SETD9: variants seen among roughly 807,000 people sequenced by gnomAD.
The protein encoded by SETD9 is SET domain containing 9, also known as SET domain-containing protein 9.
Under a neutral mutation model 36.4 loss-of-function variants are expected in SETD9, and 37 were observed. The observed-to-expected ratio is 1.02, with a 90% CI of 0.78 to 1.34. The LOEUF is 1.34. Ranked by LOEUF, SETD9 falls within the 40% of genes most tolerant of loss-of-function variation. SETD9 has a pLI of 0.00. For synonymous variants in SETD9, 128 were observed against 132.9 expected (o/e 0.96, Z 0.26); for missense variants, 323 against 353.2 (o/e 0.91, Z 0.69).
rs571245068 is a variant in SETD9 at position 56,910,331 on chromosome 5, C to G, written c.98+588C>G. ...GCTGTGAGAATAGCGTGCAGTAGCT[C>G]GCGCGTTAAGAACGGGCAGAACGCC... On this transcript the variant is annotated intron_variant, in intron 1 of 5. Coordinates refer to ENST00000285947, the MANE Select transcript of SETD9 (RefSeq NM_153706.4). 516 of 1,304,260 alleles carry G rather than the reference C, an allele frequency of 4.0e-4. 3 individuals are homozygous for G. In the Middle Eastern group the frequency reaches 5.5e-3, roughly 14 times the overall value. 80.8% of individuals were successfully genotyped at this position (1,304,260 alleles called of 1,614,324 possible).
chr5:56,912,328 CATTAT>C, intron 2 of SETD9: 1 of 735,292 alleles, frequency 1.4e-6, no homozygotes, highest in Non-Finnish European at 1.7e-6. Context: ...GTTAAACTAA[CATTAT>C]ATTATTTGGT....
chr5:56,913,249 T>G, intron 3 of SETD9, 115 bp downstream of exon 3: 1 of 1,241,438 alleles, frequency 8.1e-7, no homozygotes, highest in Non-Finnish European at 1.1e-6. Context: ...AGATGGGGTC[T>G]TGCTATGTTG....
At chr5:56,909,770 G>T (rs201202824) in intron 1 of SETD9, 27 bp downstream of exon 1, 2 of 1,594,068 alleles carry the variant, frequency 1.3e-6, no homozygotes, top group Admixed American at 1.7e-5. Context: ...GCAGAACGAG[G>T]GGCACCTGCC....
chr5:56,910,241 G>A, intron 1 of SETD9: 4 of 1,297,642 alleles, frequency 3.1e-6, no homozygotes, highest in South Asian at 1.2e-5. Context: ...CCTCAGAAAA[G>A]CCAAGCCAGG....
chr5:56,909,441 C>T (rs1392542752), upstream of SETD9: 6 of 472,844 alleles, frequency 1.3e-5, no homozygotes, highest in East Asian at 2.2e-4. Context: ...TCCAGCTCTA[C>T]GCGCCTCTCA....
Position 56,923,520 on chromosome 5 carries a change from G to C in SETD9, c.813-1813G>C. On this transcript the variant is annotated intron_variant, in intron 5 of 5. Coordinates refer to the SETD9 transcript ENST00000628593. ...CCACGGGGTGTGTTGCCCAGTGGAG[G>C]AAAGCTATCATCCAAACAATTCACA... 1.9e-6 allele frequency: 3 copies of C among 1,614,174 alleles called. No homozygotes were observed. Among genetic ancestry groups the C allele is most frequent in the Non-Finnish European group, 2.5e-6 (3 of 1,180,028 alleles).
intron 5 of SETD9, chr5:56,923,092 G>A: frequency 6.3e-7 from 1 of 1,579,460 alleles, no homozygotes; most frequent in Non-Finnish European, 8.7e-7. Flanking sequence ...CAAGTTTACT[G>A]GTGCTGCACA....
At chr5:56,926,386 A>T (rs1050273015), downstream of SETD9, among the ~76,000 whole-genome samples, 2 of 152,106 alleles carry the variant, frequency 1.3e-5, no homozygotes. Flanking sequence ...ATAACTCCTT[A>T]AACTCAACAA....
downstream of SETD9, chr5:56,920,805 T>C (rs1749636601): frequency 6.6e-6 from 1 of 152,440 alleles, no homozygotes; most frequent in East Asian, 1.9e-4. Context: ...ATGAAGAATT[T>C]ACACTTATAT....
At chr5:56,910,032 T>A (rs1228282936) in intron 1 of SETD9, 14 of 1,336,936 alleles carry the variant, frequency 1.0e-5, no homozygotes, top group Non-Finnish European at 1.3e-5. Flanking sequence ...ATGGCCTCTT[T>A]CCCAGTGTCC....
At chr5:56,918,008 GCCTT>G (rs112231308), downstream of SETD9, among the ~76,000 whole-genome samples, 15 of 152,168 alleles carry the variant, frequency 9.9e-5, no homozygotes, top group South Asian at 2.1e-4. Flanking sequence ...CCTCTCAATT[GCCTT>G]CCTTGTTTCC....
intron 5 of SETD9, chr5:56,923,383 G>A (rs750383311): frequency 1.2e-6 from 2 of 1,614,134 alleles, no homozygotes; most frequent in South Asian, 2.2e-5. Flanking sequence ...TGTTCATAGG[G>A]TTTAGCTCCG....
rs746495462 is a variant in SETD9, at chr5:56,923,644, C to A, written c.813-1689C>A. On this transcript the variant is annotated intron_variant, in intron 5 of 5. Coordinates refer to the SETD9 transcript ENST00000628593. ...GTCCTATGACATCAAACAGAGGACA[C>A]AATTTTGCAACAAACTGTACTAAAT... 8.7e-6 allele frequency: 14 copies of A among 1,613,182 alleles called. No individual in the cohort carries two copies. The South Asian group carries it at 1.4e-4, about 16-fold the overall frequency.
intron 5 of SETD9, chr5:56,923,821 A>G (rs1190672160): frequency 6.2e-7 from 1 of 1,614,198 alleles, no homozygotes. Flanking sequence ...CTACTAAACG[A>G]TCCATATAGT....
In SETD9 at chr5:56,913,103, A is replaced by T; in HGVS notation, c.559A>T (p.Asn187Tyr). 2.5e-6 allele frequency: 4 copies of T among 1,614,098 alleles called. No individual in the cohort carries two copies. The highest frequency in any genetic ancestry group is 3.4e-6 in the Non-Finnish European group (4 of 1,180,002). The change falls in exon 3 of 6, where the codon AAT becomes TAT. Residue 187 changes from asparagine (N) to tyrosine (Y), a missense_variant. Transcript: ENST00000285947. ...RCLDGVLIDG[N>Y]DKGISKVVYR... ...CCTGGATGGGGTACTCATTGATGGG[A>T]ATGACAAAGGGATATCAAAAGTTGT...
At chr5:56,926,531 A>T (rs832399), downstream of SETD9, among the ~76,000 whole-genome samples, 76,521 of 151,906 alleles carry the variant, frequency 0.5, 21,444 homozygotes, top group Non-Finnish European at 0.64. Flanking sequence ...ATTAAAACAA[A>T]AAAGAGATGG....
downstream of SETD9, among the ~76,000 whole-genome samples, chr5:56,918,731 G>GAGTC (rs921099263): frequency 6.6e-6 from 1 of 152,218 alleles, no homozygotes; most frequent in African/African-American, 2.4e-5. Flanking sequence ...CAAAGCAGAG[G>GAGTC]AGTCAAGATT....
At position 56,910,298 on chromosome 5, in the gene SETD9, C is replaced by G. The variant is rs1459320930; in HGVS notation, c.98+555C>G. On this transcript the variant is annotated intron_variant, in intron 1 of 5. Transcript: ENST00000285947. Reference sequence around the variant, plus strand: ...AAGTACTTCACGTGGTTAAAGAAGCCCATCCCGGCTGTGAGAATAGCGTGC... The same window carrying G: ...AAGTACTTCACGTGGTTAAAGAAGCGCATCCCGGCTGTGAGAATAGCGTGC... The G allele has an allele frequency of 2.3e-6, 3 of 1,304,024 alleles. No individual in the cohort carries two copies. In the African/African-American group the frequency reaches 4.6e-5, roughly 20 times the overall value. 80.8% of individuals were successfully genotyped at this position (1,304,024 alleles called of 1,614,324 possible).
chr5:56,911,441 T>A lies in SETD9; in HGVS notation c.371T>A (p.Val124Asp), dbSNP rs1240580144. 1 of 1,613,090 alleles carries A rather than the reference T, an allele frequency of 6.2e-7. No homozygotes were observed. The highest frequency in any genetic ancestry group is 8.5e-7 in the Non-Finnish European group (1 of 1,179,750). Reference protein sequence around the residue: ...EILYKTLGFSVAQATSSLISA... With the variant: ...EILYKTLGFSDAQATSSLISA... ...CTTTACAAGACTTTGGGTTTCAGTGTTGCCCAAGCAACTAGCTCATTGATT... is the reference window on the plus strand; with the variant it reads ...CTTTACAAGACTTTGGGTTTCAGTGATGCCCAAGCAACTAGCTCATTGATT... The change falls in exon 2 of 6, where the codon GTT becomes GAT. Residue 124 changes from valine (V) to aspartate (D), a missense_variant. Transcript: ENST00000285947.
Sources: allele counts gnomAD v4.1 joint callset (sites outside exome capture counted in the v4.1 genomes callset), GRCh38; gene constraint gnomAD v4.1.1; transcripts MANE v1.5; gene names NCBI Gene and HGNC (gene_info 2026-07-23, HGNC 2026-07-21).